The following GUCY1B1 variants were observed in gnomAD, a reference collection of about 807,000 sequenced individuals.
GUCY1B1 encodes the protein guanylate cyclase 1 soluble subunit beta 1, also known as guanylate cyclase soluble subunit beta-1.
Under a neutral mutation model 71.0 loss-of-function variants are expected in GUCY1B1, and 43 were observed. The ratio of observed to expected loss-of-function variants is 0.61; its 90% CI spans 0.47 to 0.78. The LOEUF (loss-of-function observed/expected upper bound fraction) is 0.78. Among genes scored for constraint, GUCY1B1 ranks in the 30% least tolerant of loss-of-function variants. The pLI is 0.00. For missense variants in GUCY1B1, 535 were observed against 754.1 expected (o/e 0.71, Z 3.40); for synonymous variants, 266 against 259.7 (o/e 1.02, Z -0.23).
rs1018169898 is a variant in GUCY1B1, at chr4:155,759,031, G to C, written c.-110G>C. The C allele has an allele frequency of 6.6e-6, 8 of 1,211,676 alleles. No homozygotes were observed. In the African/African-American group the frequency reaches 7.5e-5, roughly 11 times the overall value. 75.1% of individuals were successfully genotyped at this position (1,211,676 alleles called of 1,614,324 possible). A position where few individuals can be genotyped will look rare whatever the true frequency, so the allele number is the denominator to read the frequency against. ...AAGGCGGCTGTTCTCGCTCCAGCTC[G>C]ATGCTGCCTCCCCGGCCCGGTTGCG... On this transcript the variant is annotated 5_prime_UTR_variant, in exon 1 of 14. Transcript: ENST00000264424.
intron 8 of GUCY1B1, among the ~76,000 whole-genome samples, chr4:155,798,388 G>A (rs146324521): frequency 3.9e-5 from 6 of 152,138 alleles, no homozygotes; most frequent in Admixed American, 2.0e-4. Flanking sequence ...ATTTTTGAAC[G>A]TACAATCATG....
chr4:155,797,764 T>TAATAATAATAATAA (rs1561029633), intron 8 of GUCY1B1, among the ~76,000 whole-genome samples: 3 of 84,040 alleles, frequency 3.6e-5, no homozygotes, highest in South Asian at 4.3e-4. Flanking sequence ...AATAATAATA[T>TAATAATAATAATAA]ATCGTTAATT....
chr4:155,789,586 C>CTACA lies in GUCY1B1; in HGVS notation c.298-126_298-123dup, dbSNP rs1272513737. ...ATATCTCAGTGGAGTGAAGGATGTG[C>CTACA]TACATGTGCTGCTTCGCTGATCTGC... On this transcript the variant is annotated intron_variant, in intron 4 of 13. Coordinates refer to ENST00000264424, the MANE Select transcript of GUCY1B1 (RefSeq NM_000857.5). 5.3e-6 allele frequency: 3 copies of CTACA among 562,040 alleles called. No individual in the cohort carries two copies. The African/African-American group carries it at 5.6e-5, about 10-fold the overall frequency. 34.8% of individuals were successfully genotyped at this position (562,040 alleles called of 1,614,324 possible). A position where few individuals can be genotyped will look rare whatever the true frequency, so the allele number is the denominator to read the frequency against.
At chr4:155,762,863 G>C (rs1179504360) in intron 2 of GUCY1B1, among the ~76,000 whole-genome samples, 1 of 152,280 alleles carries the variant, frequency 6.6e-6, no homozygotes, top group East Asian at 1.9e-4. Context: ...GACAAAGTGG[G>C]CTACATGTGA....
At chr4:155,782,837 C>CAAGCCACATGGAGAGGCCA in intron 4 of GUCY1B1, among the ~76,000 whole-genome samples, 1 of 152,300 alleles carries the variant, frequency 6.6e-6, no homozygotes, top group Admixed American at 6.5e-5. Context: ...ATGAGAAGCA[C>CAAGCCACATGGAGAGGCCA]AAGCCACATG....
At chr4:155,768,329 A>G (rs1326885851) in intron 2 of GUCY1B1, among the ~76,000 whole-genome samples, 3 of 152,174 alleles carry the variant, frequency 2.0e-5, no homozygotes, top group Non-Finnish European at 4.4e-5. Context: ...ATGTGAAGTT[A>G]TAAGAAATGT....
At chr4:155,790,815 TA>T (rs1242223885) in intron 5 of GUCY1B1, among the ~76,000 whole-genome samples, 5 of 152,254 alleles carry the variant, frequency 3.3e-5, no homozygotes, top group Non-Finnish European at 5.9e-5. Flanking sequence ...ATATTCCACA[TA>T]TTTAATCTAG....
At chr4:155,780,743 T>TG in intron 4 of GUCY1B1, among the ~76,000 whole-genome samples, 1 of 30,528 alleles carries the variant, frequency 3.3e-5, no homozygotes, top group Middle Eastern at 0.036. Flanking sequence ...GATCCTGTAA[T>TG]TTTTTTTACG....
chr4:155,773,454 T>C (rs2111018815), intron 2 of GUCY1B1, among the ~76,000 whole-genome samples: 1 of 152,366 alleles, frequency 6.6e-6, no homozygotes, highest in Admixed American at 6.5e-5. Context: ...TAGTACTGTG[T>C]ATGTTTTGAG....
intron 2 of GUCY1B1, among the ~76,000 whole-genome samples, chr4:155,769,854 T>G (rs1438968607): frequency 6.6e-6 from 1 of 152,096 alleles, no homozygotes; most frequent in East Asian, 1.9e-4. Context: ...ATAATTTCCC[T>G]ATTATGTAAT....
chr4:155,793,756 A>G (rs941214964), intron 5 of GUCY1B1, 100 bp from the exon 6 acceptor site: 12 of 624,096 alleles, frequency 1.9e-5, no homozygotes, highest in Non-Finnish European at 3.4e-5. Context: ...TTTGTAATTA[A>G]TCTTCTAAAT....
At chr4:155,788,538 G>A (rs1388490914) in intron 4 of GUCY1B1, among the ~76,000 whole-genome samples, 2 of 152,158 alleles carry the variant, frequency 1.3e-5, no homozygotes, top group Non-Finnish European at 2.9e-5. Context: ...CCCAACTCAA[G>A]GTCCATAACC....
In GUCY1B1 at chr4:155,806,556, C is replaced by T. The variant is rs1400159474; in HGVS notation, c.*147C>T. 7 of 580,366 alleles carry T rather than the reference C, an allele frequency of 1.2e-5. No homozygotes were observed. Among genetic ancestry groups the T allele is most frequent in the African/African-American group, 1.1e-4 (6 of 52,704 alleles). The allele number at this position is 580,366 out of a possible 1,614,324, so 36.0% of individuals were successfully genotyped here. On this transcript the variant is annotated 3_prime_UTR_variant, in exon 14 of 14. Coordinates refer to ENST00000264424, the MANE Select transcript of GUCY1B1 (RefSeq NM_000857.5). Reference sequence around the variant, plus strand: ...CCAAGACTTTCTTCTAGATATATCTCTCACTATCCGTTATTCAACCTTAGC... The same window carrying T: ...CCAAGACTTTCTTCTAGATATATCTTTCACTATCCGTTATTCAACCTTAGC...
chr4:155,805,110 A>G lies in GUCY1B1; in HGVS notation c.1717A>G (p.Met573Val), dbSNP rs1321868640. ...NVSEYTYRCL[M>V]SPENSDPQFH... ...CCTTCCCTTGTCTTTTAGATGTCTT[A>G]TGTCTCCAGAAAATTCAGATCCACA... is the stretch of plus-strand genomic sequence containing the variant. The change falls in exon 13 of 14, where the codon ATG becomes GTG. Residue 573 changes from methionine to valine, a missense_variant. Coordinates refer to ENST00000264424, the MANE Select transcript of GUCY1B1 (RefSeq NM_000857.5). The G allele has an allele frequency of 5.0e-6, 8 of 1,611,532 alleles. No individual in the cohort carries two copies. Among genetic ancestry groups the G allele is most frequent in the South Asian group, 1.1e-5 (1 of 90,992 alleles).
chr4:155,784,976 T>G (rs1475894685), intron 4 of GUCY1B1, among the ~76,000 whole-genome samples: 1 of 152,152 alleles, frequency 6.6e-6, no homozygotes, highest in Admixed American at 6.5e-5. Context: ...TCTAAATCTG[T>G]GAAGTGTACT....
In GUCY1B1 at chr4:155,802,168, A is replaced by T. The variant is rs1579258817; in HGVS notation, c.1176-174A>T. The T allele has an allele frequency of 7.1e-7, 1 of 1,411,812 alleles. No individual in the cohort carries two copies. The highest frequency in any genetic ancestry group is 9.3e-7 in the Non-Finnish European group (1 of 1,069,882). 87.5% of individuals were successfully genotyped at this position (1,411,812 alleles called of 1,614,324 possible). A position where few individuals can be genotyped will look rare whatever the true frequency, so the allele number is the denominator to read the frequency against. Reference sequence around the variant, plus strand: ...TGAACAAATAATTTATGTTTTCTGTAAATCCTTGCTTATAAATACAGCTAA... The same window carrying T: ...TGAACAAATAATTTATGTTTTCTGTTAATCCTTGCTTATAAATACAGCTAA... On this transcript the variant is annotated intron_variant, in intron 9 of 13. Coordinates refer to ENST00000264424, the MANE Select transcript of GUCY1B1 (RefSeq NM_000857.5). The surrounding 1 kb of genome is among the most constrained non-coding windows in gnomAD (Gnocchi z 4.3).
chr4:155,795,870 T>TGTG (rs1282738028), intron 7 of GUCY1B1, among the ~76,000 whole-genome samples: 1 of 152,164 alleles, frequency 6.6e-6, no homozygotes, highest in African/African-American at 2.4e-5. Context: ...TGAATAAAAG[T>TGTG]GATGAAATAT....
At chr4:155,772,272 G>A (rs1311116493) in intron 2 of GUCY1B1, among the ~76,000 whole-genome samples, 1 of 152,148 alleles carries the variant, frequency 6.6e-6, no homozygotes, top group African/African-American at 2.4e-5. Flanking sequence ...AGTAGACATG[G>A]GGAGTGCTAT....
chr4:155,759,187 C>A, intron 1 of GUCY1B1, 44 bp downstream of exon 1: 1 of 1,547,546 alleles, frequency 6.5e-7, no homozygotes, highest in East Asian at 2.4e-5. Flanking sequence ...CACCCCTCCT[C>A]GGCCGGCCTG....
Sources: gnomAD v4.1 joint callset for allele counts (sites outside exome capture counted in the v4.1 genomes callset) on GRCh38, gnomAD v4.1.1 for gene constraint, Gnocchi (gnomAD v3.1) non-coding constraint, MANE v1.5 for transcripts, NCBI Gene and HGNC (gene_info 2026-07-23, HGNC 2026-07-21) for gene names.